The following SLC1A2 variants were observed in gnomAD, a reference collection of about 807,000 sequenced individuals.
The protein encoded by SLC1A2 is solute carrier family 1 member 2.
A neutral mutation model predicts 48.8 loss-of-function variants in SLC1A2; 15 were observed. That is an observed-to-expected ratio of 0.31 (90% confidence interval 0.21 to 0.47). The LOEUF (loss-of-function observed/expected upper bound fraction) is 0.47. Ranked by LOEUF, SLC1A2 falls within the 20% of genes least tolerant of loss-of-function variation. The probability of loss-of-function intolerance (pLI) is 0.99; values close to 1 mark genes in which losing one functional copy is unlikely to be tolerated. For synonymous variants in SLC1A2, 279 were observed against 272.6 expected (o/e 1.02, Z -0.23); for missense variants, 502 against 730.5 (o/e 0.69, Z 3.61).
intron 4 of SLC1A2, 173 bp downstream of exon 4, chr11:35,312,025 C>G: frequency 1.8e-6 from 1 of 566,818 alleles, no homozygotes; most frequent in East Asian, 2.9e-5. Flanking sequence ...AACCAGGAGA[C>G]TCCAATCCCA....
chr11:35,371,716 A>T (rs191337631), intron 1 of SLC1A2, among the ~76,000 whole-genome samples: 52 of 152,168 alleles, frequency 3.4e-4, no homozygotes, highest in African/African-American at 1.2e-3. Context: ...TGCTACTCAG[A>T]GTGCACCCAA....
intron 1 of SLC1A2, among the ~76,000 whole-genome samples, chr11:35,380,158 A>G (rs111512024): frequency 0.021 from 3,180 of 152,330 alleles, 112 homozygotes; most frequent in African/African-American, 0.073. Context: ...GTTTGATAAG[A>G]CAATCAACAT....
At chr11:35,336,318 C>T (rs745311021) in intron 1 of SLC1A2, among the ~76,000 whole-genome samples, 1 of 152,034 alleles carries the variant, frequency 6.6e-6, no homozygotes, top group Non-Finnish European at 1.5e-5. Context: ...TACCCCACAA[C>T]TAAAATTAAA....
At chr11:35,412,885 T>C (rs1477652186) in intron 1 of SLC1A2, among the ~76,000 whole-genome samples, 1 of 152,202 alleles carries the variant, frequency 6.6e-6, no homozygotes. Context: ...GACAACGCTA[T>C]TGGCTTCCTG....
intron 1 of SLC1A2, among the ~76,000 whole-genome samples, chr11:35,368,150 T>C (rs1056057457): frequency 2.0e-5 from 3 of 152,212 alleles, no homozygotes; most frequent in Non-Finnish European, 4.4e-5. Context: ...CCCTCATCAA[T>C]GCACCCCCAA....
At chr11:35,294,424 C>T (rs116458677) in intron 6 of SLC1A2, among the ~76,000 whole-genome samples, 1,710 of 152,218 alleles carry the variant, frequency 0.011, 35 homozygotes, top group African/African-American at 0.039. Flanking sequence ...TTAGCTCTCC[C>T]GCCATTTTAT....
chr11:35,419,962 A>G (rs1199172011), upstream of SLC1A2: 2 of 469,614 alleles, frequency 4.3e-6, no homozygotes, highest in Non-Finnish European at 4.4e-6. The surrounding 1 kb of genome is among the most constrained non-coding windows in gnomAD (Gnocchi z 5.4). Flanking sequence ...TGGGGGTCCC[A>G]GGTCCAGCGG....
chr11:35,388,754 T>C (rs2135230994), intron 1 of SLC1A2, among the ~76,000 whole-genome samples: 1 of 152,334 alleles, frequency 6.6e-6, no homozygotes, highest in South Asian at 2.1e-4. Flanking sequence ...GTAGAGCCTA[T>C]GCCTCCTTCA....
chr11:35,377,934 C>A (rs953263065), intron 1 of SLC1A2, among the ~76,000 whole-genome samples: 2 of 152,220 alleles, frequency 1.3e-5, no homozygotes, highest in African/African-American at 4.8e-5. Flanking sequence ...GATTCACAAC[C>A]TATTTCACTA....
intron 9 of SLC1A2, among the ~76,000 whole-genome samples, 195 bp from the exon 10 acceptor site, chr11:35,265,953 T>C (rs10836358): frequency 0.12 from 17,626 of 152,216 alleles, 1,121 homozygotes; most frequent in Admixed American, 0.18. Flanking sequence ...TGCTTATACT[T>C]CTCTCATAGG....
chr11:35,339,027 C>CT lies in SLC1A2; in HGVS notation c.18-21512dup, dbSNP rs529533568. Among the ~76,000 whole-genome samples, 743 of 152,244 alleles carry CT rather than the reference C, an allele frequency of 4.9e-3. 5 individuals are homozygous for CT. The highest frequency in any genetic ancestry group is 6.4e-3 in the Non-Finnish European group (436 of 68,020). On this transcript the variant is annotated intron_variant, in intron 1 of 10. Coordinates refer to ENST00000278379, the MANE Select transcript of SLC1A2 (RefSeq NM_004171.4). ...TTGAATTGCTCTCTAAAGGGCAATT[C>CT]TTTGGGGGATCATCTTGTTTTCTAC...
rs768235095 is a variant in SLC1A2 at position 35,317,521 on chromosome 11, A to T, written c.18-5T>A. On this transcript the variant is annotated splice_polypyrimidine_tract_variant and splice_region_variant and intron_variant, in intron 1 of 10. Transcript: ENST00000278379. The stretch of plus-strand genomic sequence containing the variant: ...TGCTTGGGCATATTGTTGGCACTGG[A>T]ACAGAAGTGAAGGCAGAGATTAGAG... 1.9e-6 allele frequency: 3 copies of T among 1,612,464 alleles called. No homozygotes were observed. Among genetic ancestry groups the T allele is most frequent in the Non-Finnish European group, 1.7e-6 (2 of 1,179,616 alleles).
At chr11:35,319,416 T>C (rs937600226) in intron 1 of SLC1A2, among the ~76,000 whole-genome samples, 1 of 152,222 alleles carries the variant, frequency 6.6e-6, no homozygotes, top group Non-Finnish European at 1.5e-5. Context: ...CGTTCTGAAA[T>C]GGTGAATGTA....
intron 1 of SLC1A2, chr11:35,371,067 G>C: frequency 6.1e-6 from 6 of 984,986 alleles, no homozygotes; most frequent in Non-Finnish European, 7.2e-6. Context: ...GGGTGGAGTT[G>C]ACTCATCTGT....
intron 1 of SLC1A2, among the ~76,000 whole-genome samples, chr11:35,416,639 A>G (rs552246799): frequency 4.5e-4 from 68 of 152,382 alleles, no homozygotes; most frequent in Middle Eastern, 3.4e-3. Flanking sequence ...TGGATCAAAC[A>G]AAGTTGAACT....
chr11:35,323,354 T>C (rs1852139539), intron 1 of SLC1A2: 1 of 155,560 alleles, frequency 6.4e-6, no homozygotes, highest in African/African-American at 2.4e-5. Flanking sequence ...AAAATGGATA[T>C]AATGTTACCT....
chr11:35,286,545 G>C, intron 8 of SLC1A2: 1 of 408,514 alleles, frequency 2.4e-6, no homozygotes, highest in East Asian at 3.7e-5. Flanking sequence ...AAAGCAAGTT[G>C]ACATGTGCAA....
intron 6 of SLC1A2, among the ~76,000 whole-genome samples, chr11:35,293,753 G>C (rs960276772): frequency 6.6e-6 from 1 of 152,186 alleles, no homozygotes; most frequent in Non-Finnish European, 1.5e-5. Context: ...GATCTATACA[G>C]ACTTGCAATT....
At chr11:35,405,181 A>G (rs564001000) in intron 1 of SLC1A2, among the ~76,000 whole-genome samples, 94 of 152,270 alleles carry the variant, frequency 6.2e-4, no homozygotes, top group African/African-American at 2.2e-3. Context: ...AACTCCAGAA[A>G]AGAACTCCAT....
Sources: allele counts gnomAD v4.1 joint callset (sites outside exome capture counted in the v4.1 genomes callset), GRCh38; gene constraint gnomAD v4.1.1; non-coding constraint Gnocchi (gnomAD v3.1); transcripts MANE v1.5; gene names NCBI Gene and HGNC (gene_info 2026-07-23, HGNC 2026-07-21).